The following TBC1D22B variants were observed in gnomAD, a reference collection of about 807,000 sequenced individuals.
TBC1D22B encodes the protein TBC1 domain family member 22B, also known as chromosome 6 open reading frame 197.
A neutral mutation model predicts 69.1 loss-of-function variants in TBC1D22B; 32 were observed. The ratio of observed to expected loss-of-function variants is 0.46; its 90% CI spans 0.35 to 0.62. TBC1D22B has a LOEUF of 0.62. Among genes scored for constraint, TBC1D22B ranks in the 20% least tolerant of loss-of-function variants. TBC1D22B has a pLI of 0.00. For missense variants in TBC1D22B, 462 were observed against 630.9 expected (o/e 0.73, Z 2.87); for synonymous variants, 206 against 229.8 (o/e 0.90, Z 0.94).
intron 8 of TBC1D22B, among the ~76,000 whole-genome samples, chr6:37,302,267 G>A (rs1042904114): frequency 6.6e-6 from 1 of 152,202 alleles, no homozygotes; most frequent in Non-Finnish European, 1.5e-5. Flanking sequence ...CTGCAGATAA[G>A]CCAGCTGTGT....
intron 12 of TBC1D22B, among the ~76,000 whole-genome samples, chr6:37,325,645 G>T (rs1411502646): frequency 6.7e-6 from 1 of 148,734 alleles, no homozygotes; most frequent in Non-Finnish European, 1.5e-5. Flanking sequence ...TGCCTCCCGG[G>T]TTCAAGCAAT....
At chr6:37,318,187 G>T (rs1411933891) in intron 12 of TBC1D22B, among the ~76,000 whole-genome samples, 1 of 152,216 alleles carries the variant, frequency 6.6e-6, no homozygotes, top group East Asian at 1.9e-4. Context: ...AGACATGAAG[G>T]TGGTAGGACC....
rs552279001 is a variant in TBC1D22B at position 37,325,162 on chromosome 6, TG to T, written c.1390-5881del. On this transcript the variant is annotated intron_variant, in intron 12 of 12. Coordinates refer to ENST00000373491, the MANE Select transcript of TBC1D22B (RefSeq NM_017772.4). ...CTTTACCTTTGGCCTCTTACCTAAT[TG>T]TTTTTTTTCCACCCATCACATGTGG... Among the ~76,000 whole-genome samples the T allele has an allele frequency of 4.6e-5, 7 of 152,322 alleles. No homozygotes were observed. The East Asian group carries it at 7.7e-4, about 17-fold the overall frequency.
At chr6:37,323,573 C>T (rs768999158) in intron 12 of TBC1D22B, among the ~76,000 whole-genome samples, 27 of 152,166 alleles carry the variant, frequency 1.8e-4, no homozygotes, top group Non-Finnish European at 3.5e-4. Flanking sequence ...GATTCCCACT[C>T]TGAAGGTTTC....
intron 6 of TBC1D22B, among the ~76,000 whole-genome samples, chr6:37,285,775 G>A (rs909790452): frequency 8.5e-5 from 13 of 152,098 alleles, no homozygotes; most frequent in Non-Finnish European, 1.5e-4. Flanking sequence ...TTACAGGTAT[G>A]AGCCACCATG....
chr6:37,269,594 C>T lies in TBC1D22B; in HGVS notation c.57C>T (p.Ser19=). Residue 19 remains serine (S), a splice_region_variant and synonymous_variant, in exon 2 of 13, where the codon AGC becomes AGT. Transcript: ENST00000373491. The part of the protein sequence containing the change: ...FWKRSAKLPG[S]IQPVYGAQHP... ...TTCTTCCTTTTGTTTTTGCTTTTAG[C>T]ATTCAGCCTGTATATGGAGCACAGC... is the stretch of plus-strand genomic sequence containing the variant. 1 of 1,614,034 alleles carries T rather than the reference C, an allele frequency of 6.2e-7. No homozygotes were observed.
chr6:37,316,781 T>C lies in TBC1D22B; in HGVS notation c.1244T>C (p.Met415Thr), dbSNP rs1051426159. The C allele has an allele frequency of 1.9e-6, 3 of 1,614,136 alleles. No homozygotes were observed. Among genetic ancestry groups the C allele is most frequent in the Non-Finnish European group, 2.5e-6 (3 of 1,180,052 alleles). The change falls in exon 11 of 13, where the codon ATG becomes ACG. Residue 415 changes from methionine to threonine, a missense_variant. This residue lies in a region of TBC1D22B where 225 missense variants were observed against 375.4 expected (regional missense o/e 0.60). Transcript: ENST00000373491. The stretch of plus-strand genomic sequence containing the variant: ...TTCCGCTGGATGAACAACCTGCTTA[T>C]GCGGGAGCTTCCTCTTCGCTGCACC... ...FAFRWMNNLL[M>T]RELPLRCTIR...
chr6:37,293,703 AAGGT>A (rs1281420353), intron 8 of TBC1D22B, among the ~76,000 whole-genome samples: 2 of 152,238 alleles, frequency 1.3e-5, no homozygotes, highest in Non-Finnish European at 2.9e-5. Context: ...CTTAGTGAAG[AAGGT>A]AGGTCAAAAG....
intron 2 of TBC1D22B, among the ~76,000 whole-genome samples, chr6:37,277,491 G>A (rs1766703292): frequency 1.4e-5 from 1 of 72,772 alleles, no homozygotes; most frequent in Non-Finnish European, 2.8e-5. Flanking sequence ...GAGACGGAGT[G>A]TCACTCACAC....
chr6:37,313,640 T>C (rs181706133), intron 9 of TBC1D22B, among the ~76,000 whole-genome samples, 176 bp from the exon 10 acceptor site: 204 of 152,342 alleles, frequency 1.3e-3, no homozygotes, highest in African/African-American at 4.6e-3. Flanking sequence ...CAGGGCTCCA[T>C]TGGGCTTTCC....
At chr6:37,273,222 A>G (rs1490908137) in intron 2 of TBC1D22B, among the ~76,000 whole-genome samples, 1 of 151,130 alleles carries the variant, frequency 6.6e-6, no homozygotes, top group African/African-American at 2.4e-5. Flanking sequence ...TAGCAAAGAC[A>G]ACAGCCTAGA....
intron 8 of TBC1D22B, among the ~76,000 whole-genome samples, chr6:37,297,515 T>C (rs998508881): frequency 2.0e-5 from 3 of 152,210 alleles, no homozygotes; most frequent in Middle Eastern, 3.2e-3. Flanking sequence ...CTAATGAGCT[T>C]CTTGAACTCA....
At chr6:37,272,615 C>T (rs1206003795) in intron 2 of TBC1D22B, among the ~76,000 whole-genome samples, 2 of 151,500 alleles carry the variant, frequency 1.3e-5, no homozygotes, top group African/African-American at 2.4e-5. Flanking sequence ...CTCAAACTCC[C>T]GGACTCAAGT....
intron 2 of TBC1D22B, among the ~76,000 whole-genome samples, chr6:37,274,053 C>T (rs1234172124): frequency 6.6e-6 from 1 of 152,200 alleles, no homozygotes; most frequent in African/African-American, 2.4e-5. Flanking sequence ...ATTTTTATAG[C>T]TCAGATAAAG....
At chr6:37,278,548 C>T (rs1766733270) in intron 2 of TBC1D22B, among the ~76,000 whole-genome samples, 1 of 152,108 alleles carries the variant, frequency 6.6e-6, no homozygotes, top group African/African-American at 2.4e-5. Context: ...AGGGCAGGCT[C>T]CTCGACATAG....
rs115735899 is a variant in TBC1D22B, at chr6:37,276,922, C to A, written c.114-2382C>A. 1.2e-4 allele frequency among the ~76,000 whole-genome samples: 18 copies of A among 151,914 alleles called. 1 individual carries two copies. The highest frequency in any genetic ancestry group is 6.6e-4 in the Admixed American group (10 of 15,258). Reference sequence around the variant, plus strand: ...AACAAAAATATATATATATATAAAACGAAAACCTTCAAATGCATAAAAAGC... The same window carrying A: ...AACAAAAATATATATATATATAAAAAGAAAACCTTCAAATGCATAAAAAGC... On this transcript the variant is annotated intron_variant, in intron 2 of 12. Coordinates refer to ENST00000373491, the MANE Select transcript of TBC1D22B (RefSeq NM_017772.4).
chr6:37,281,228 G>A (rs571820766), intron 3 of TBC1D22B, among the ~76,000 whole-genome samples: 11 of 152,292 alleles, frequency 7.2e-5, no homozygotes, highest in Admixed American at 1.3e-4. Flanking sequence ...ACCTCCCTGA[G>A]CTGCAGTTTC....
intron 1 of TBC1D22B, among the ~76,000 whole-genome samples, chr6:37,266,168 A>G (rs1221445817): frequency 1.3e-5 from 2 of 152,170 alleles, no homozygotes; most frequent in African/African-American, 4.8e-5. Flanking sequence ...ATTTCTTATA[A>G]AGGTGATACT....
intron 12 of TBC1D22B, among the ~76,000 whole-genome samples, chr6:37,317,613 G>A (rs1035884268): frequency 6.6e-6 from 1 of 152,158 alleles, no homozygotes; most frequent in Admixed American, 6.5e-5. Context: ...TAACATCATA[G>A]TAAATAGTAA....
Sources: gnomAD v4.1 joint callset for allele counts (sites outside exome capture counted in the v4.1 genomes callset) on GRCh38, gnomAD v4.1.1 for gene constraint, gnomAD v4.1.1 regional missense constraint, MANE v1.5 for transcripts, NCBI Gene and HGNC (gene_info 2026-07-23, HGNC 2026-07-21) for gene names.